The following KMO variants were observed in gnomAD, a reference collection of about 807,000 sequenced individuals.
KMO encodes the protein kynurenine 3-monooxygenase.
KMO carries 24 observed loss-of-function variants against 57.8 expected under a neutral mutation model. The observed-to-expected ratio is 0.42, with a 90% CI of 0.30 to 0.58. The LOEUF is 0.58. KMO is among the 20% of genes least tolerant of loss of function. KMO has a pLI of 0.22. For synonymous variants in KMO, 210 were observed against 193.6 expected (o/e 1.08, Z -0.70); for missense variants, 483 against 588.2 (o/e 0.82, Z 1.85).
intron 10 of KMO, among the ~76,000 whole-genome samples, chr1:241,573,571 G>A (rs1374198363): frequency 2.0e-5 from 3 of 152,076 alleles, no homozygotes; most frequent in Non-Finnish European, 4.4e-5. Context: ...CTTTATTGAA[G>A]ATCAGTTGGT....
At chr1:241,554,882 T>C (rs1324027758) in intron 4 of KMO, among the ~76,000 whole-genome samples, 1 of 151,042 alleles carries the variant, frequency 6.6e-6, no homozygotes, top group Admixed American at 6.6e-5. Flanking sequence ...GTTGGGAAGC[T>C]GAGGCAGGAG....
chr1:241,549,238 A>T (rs1187569980), intron 2 of KMO, among the ~76,000 whole-genome samples: 13 of 15,184 alleles, frequency 8.6e-4, no homozygotes, highest in African/African-American at 1.2e-3. Flanking sequence ...AGAAAGAAAG[A>T]AAGAAAGAAA....
At position 241,548,997 on chromosome 1, in the gene KMO, G is replaced by C. The variant is rs1371855920; in HGVS notation, c.124+99G>C. The stretch of plus-strand genomic sequence containing the variant: ...ATGGATCGCTTGAGGCCGGGAGTTT[G>C]AGACCAGCCTGGGCAACATGGCAAA... On this transcript the variant is annotated intron_variant, in intron 2 of 14. Coordinates refer to ENST00000366559, the MANE Select transcript of KMO (RefSeq NM_003679.5). 8.0e-6 allele frequency: 6 copies of C among 753,668 alleles called. No homozygotes were observed. The African/African-American group carries it at 8.8e-5, about 11-fold the overall frequency. The allele number at this position is 753,668 out of a possible 1,614,324, so 46.7% of individuals were successfully genotyped here.
chr1:241,562,153 G>A lies in KMO; in HGVS notation c.450-14G>A, dbSNP rs764845670. The stretch of plus-strand genomic sequence containing the variant: ...GACATATTTTTCTTTTGGATGTTTT[G>A]TTCTATTTTTCAGATCTGACAAAGT... On this transcript the variant is annotated splice_polypyrimidine_tract_variant and intron_variant, in intron 6 of 14. Transcript: ENST00000366559. The A allele has an allele frequency of 6.2e-7, 1 of 1,612,090 alleles. No individual in the cohort carries two copies. Among genetic ancestry groups the A allele is most frequent in the Non-Finnish European group, 8.5e-7 (1 of 1,178,794 alleles).
intron 6 of KMO, among the ~76,000 whole-genome samples, chr1:241,561,804 C>A (rs570928529): frequency 6.6e-6 from 1 of 152,282 alleles, no homozygotes; most frequent in South Asian, 2.1e-4. Context: ...GTGCTCAAGA[C>A]AAATGTATTG....
At chr1:241,554,227 T>TTCC (rs1661517235) in intron 4 of KMO, among the ~76,000 whole-genome samples, 3 of 132,036 alleles carry the variant, frequency 2.3e-5, no homozygotes, top group South Asian at 2.8e-4. Context: ...AATACTTTTC[T>TTCC]TTCCTTCCTT....
intron 10 of KMO, among the ~76,000 whole-genome samples, chr1:241,575,061 G>A (rs925047978): frequency 1.3e-5 from 2 of 151,950 alleles, no homozygotes; most frequent in Non-Finnish European, 2.9e-5. Context: ...GCAAAAAGGT[G>A]TTCCTAGTAG....
chr1:241,544,621 A>G (rs183757909), intron 1 of KMO, among the ~76,000 whole-genome samples: 20 of 152,248 alleles, frequency 1.3e-4, no homozygotes, highest in Admixed American at 8.5e-4. Flanking sequence ...GAAAAATACA[A>G]TTTGCCACAT....
Position 241,551,055 on chromosome 1 carries a change from C to A in KMO, c.312+11C>A. On this transcript the variant is annotated intron_variant, in intron 4 of 14. Transcript: ENST00000366559. ...GGGACAAAGTCTCAGGTAGGTTTAC[C>A]CCGGAGATCATTGTGCATTGATTAT... 7.0e-7 allele frequency: 1 copy of A among 1,432,196 alleles called. No individual in the cohort carries two copies. Among genetic ancestry groups the A allele is most frequent in the Non-Finnish European group, 9.6e-7 (1 of 1,038,476 alleles). 88.7% of individuals were successfully genotyped at this position (1,432,196 alleles called of 1,614,324 possible).
chr1:241,535,246 T>G (rs1440746622), intron 1 of KMO, among the ~76,000 whole-genome samples: 1 of 152,054 alleles, frequency 6.6e-6, no homozygotes, highest in Admixed American at 6.6e-5. Flanking sequence ...TTGCCCATCT[T>G]CTTCTGTTTT....
chr1:241,567,805 T>C (rs1662139962), intron 9 of KMO, among the ~76,000 whole-genome samples: 1 of 152,222 alleles, frequency 6.6e-6, no homozygotes, highest in Admixed American at 6.5e-5. Flanking sequence ...GAATTAGACC[T>C]TGTGTACTTT....
In KMO at chr1:241,592,520, A is replaced by G; in HGVS notation, c.*367A>G. 1 of 211,572 alleles carries G rather than the reference A, an allele frequency of 4.7e-6. No homozygotes were observed. Among genetic ancestry groups the G allele is most frequent in the Non-Finnish European group, 9.4e-6 (1 of 105,884 alleles). 13.1% of individuals were successfully genotyped at this position (211,572 alleles called of 1,614,324 possible). Reference sequence around the variant, plus strand: ...TCGCAACAGCATTGACTCAACACCTAGGACTAAAAATCACAACTTAACTAG... The same window carrying G: ...TCGCAACAGCATTGACTCAACACCTGGGACTAAAAATCACAACTTAACTAG... On this transcript the variant is annotated 3_prime_UTR_variant, in exon 15 of 15. Coordinates refer to ENST00000366559, the MANE Select transcript of KMO (RefSeq NM_003679.5).
intron 1 of KMO, among the ~76,000 whole-genome samples, chr1:241,539,427 T>C (rs115583397): frequency 0.033 from 4,949 of 150,340 alleles, 97 homozygotes; most frequent in African/African-American, 0.046. Flanking sequence ...ACCCTTGAAG[T>C]TGGCCTAAGC....
At chr1:241,544,441 C>G (rs749416169) in intron 1 of KMO, among the ~76,000 whole-genome samples, 8 of 152,134 alleles carry the variant, frequency 5.3e-5, no homozygotes, top group Middle Eastern at 3.2e-3. Context: ...AAGGACTACG[C>G]TTGGAAATGG....
chr1:241,559,994 T>A (rs1016649703), intron 5 of KMO, among the ~76,000 whole-genome samples: 5 of 152,206 alleles, frequency 3.3e-5, no homozygotes, highest in Non-Finnish European at 7.4e-5. Context: ...GATGAATACA[T>A]GAGCATTAAT....
chr1:241,565,552 C>A (rs1662040984), intron 8 of KMO, among the ~76,000 whole-genome samples: 1 of 85,708 alleles, frequency 1.2e-5, no homozygotes, highest in Non-Finnish European at 2.6e-5. Flanking sequence ...AAGACCTTGC[C>A]TCTACTAAAA....
At chr1:241,565,087 T>A (rs1274621302) in intron 8 of KMO, 29 bp downstream of exon 8, 3 of 1,311,042 alleles carry the variant, frequency 2.3e-6, no homozygotes, top group South Asian at 2.4e-5. Flanking sequence ...TCAACTGTAA[T>A]TTTGCATTTG....
In KMO at chr1:241,569,781, G is replaced by A. The variant is rs78130712; in HGVS notation, c.957+1134G>A. Among the ~76,000 whole-genome samples the A allele has an allele frequency of 3.8e-3, 584 of 152,170 alleles. 3 individuals are homozygous for A. The highest frequency in any genetic ancestry group is 0.013 in the African/African-American group (540 of 41,566). On this transcript the variant is annotated intron_variant, in intron 10 of 14. Transcript: ENST00000366559. Reference sequence around the variant, plus strand: ...ACTAATTTATACTCCCACCAAACGAGAGTTCCCCTCTGTCCACATTCTCAC... The same window carrying A: ...ACTAATTTATACTCCCACCAAACGAAAGTTCCCCTCTGTCCACATTCTCAC...
intron 3 of KMO, chr1:241,550,056 C>G (rs943728108): frequency 3.4e-6 from 1 of 293,378 alleles, no homozygotes; most frequent in East Asian, 6.2e-5. Context: ...AAGATGGCAT[C>G]CAGGATAAAA....
Sources: allele counts gnomAD v4.1 joint callset (sites outside exome capture counted in the v4.1 genomes callset), GRCh38; gene constraint gnomAD v4.1.1; transcripts MANE v1.5; gene names NCBI Gene and HGNC (gene_info 2026-07-23, HGNC 2026-07-21).